Variants in FGGY observed in about 807,000 individuals in gnomAD.
FGGY encodes the protein FGGY carbohydrate kinase domain-containing protein.
Under a neutral mutation model 71.3 loss-of-function variants are expected in FGGY, and 72 were observed. The ratio of observed to expected loss-of-function variants is 1.01; its 90% CI spans 0.84 to 1.23. The LOEUF (loss-of-function observed/expected upper bound fraction) is 1.23. FGGY is among the 50% of genes most tolerant of loss of function. FGGY has a pLI of 0.00. For missense variants in FGGY, 668 were observed against 682.3 expected, an observed-to-expected ratio of 0.98 and a Z score of 0.23; for synonymous variants, 251 against 250.3, an observed-to-expected ratio of 1.00 and a Z score of -0.02.
At chr1:59,461,696 C>T (rs2092232055) in intron 6 of FGGY, among the ~76,000 whole-genome samples, 1 of 152,060 alleles carries the variant, frequency 6.6e-6, no homozygotes, top group Admixed American at 6.6e-5. Flanking sequence ...AAAGGAAAGC[C>T]CATCAGACTC....
chr1:59,320,162 A>G (rs1202296989), intron 1 of FGGY, among the ~76,000 whole-genome samples: 2 of 152,336 alleles, frequency 1.3e-5, no homozygotes, highest in Middle Eastern at 3.4e-3. Flanking sequence ...TCACCTGCTC[A>G]TGAGCCACAG....
intron 12 of FGGY, among the ~76,000 whole-genome samples, chr1:59,664,961 G>A (rs908327660): frequency 1.3e-5 from 2 of 152,096 alleles, no homozygotes; most frequent in South Asian, 2.1e-4. Flanking sequence ...TGGCAATTGA[G>A]TTATAGAAAG....
chr1:59,592,855 T>C (rs1052165570), intron 8 of FGGY, among the ~76,000 whole-genome samples: 8 of 151,908 alleles, frequency 5.3e-5, no homozygotes, highest in Non-Finnish European at 1.2e-4. Flanking sequence ...TTAATGGGTG[T>C]AGCACACCAG....
intron 6 of FGGY, among the ~76,000 whole-genome samples, chr1:59,503,120 C>G (rs2094279685): frequency 6.6e-6 from 1 of 152,124 alleles, no homozygotes; most frequent in South Asian, 2.1e-4. Flanking sequence ...TGACTTTGAA[C>G]AAATTATGTA....
At chr1:59,325,365 G>A (rs835372) in intron 2 of FGGY, among the ~76,000 whole-genome samples, 6,284 of 66,738 alleles carry the variant, frequency 0.094, 268 homozygotes, top group African/African-American at 0.23. Flanking sequence ...TCCAACAACA[G>A]CAACAACAAC....
At chr1:59,610,105 G>A (rs1488633024) in intron 9 of FGGY, among the ~76,000 whole-genome samples, 1 of 152,202 alleles carries the variant, frequency 6.6e-6, no homozygotes, top group Non-Finnish European at 1.5e-5. Flanking sequence ...CGGGATACAA[G>A]TGCAGAACCT....
intron 5 of FGGY, among the ~76,000 whole-genome samples, chr1:59,449,429 A>C (rs983571268): frequency 1.3e-5 from 2 of 151,984 alleles, no homozygotes; most frequent in Non-Finnish European, 2.9e-5. Context: ...TTACAGGCGC[A>C]CACCACCACG....
chr1:59,659,865 A>G (rs1382475545), intron 11 of FGGY, among the ~76,000 whole-genome samples: 1 of 152,246 alleles, frequency 6.6e-6, no homozygotes, highest in African/African-American at 2.4e-5. Context: ...TGCCACTGTT[A>G]GTGTTGATTT....
At chr1:59,588,018 C>G (rs1001242839) in intron 8 of FGGY, among the ~76,000 whole-genome samples, 2 of 152,066 alleles carry the variant, frequency 1.3e-5, no homozygotes, top group African/African-American at 4.8e-5. Flanking sequence ...GAAATTCAAA[C>G]CAAAGGCAAA....
At chr1:59,685,217 A>G (rs1331086798) in intron 14 of FGGY, among the ~76,000 whole-genome samples, 1 of 151,938 alleles carries the variant, frequency 6.6e-6, no homozygotes, top group Non-Finnish European at 1.5e-5. Flanking sequence ...CTCTCTCACT[A>G]CTGAGGAAGA....
At chr1:59,634,517 G>A (rs1449231545) in intron 10 of FGGY, among the ~76,000 whole-genome samples, 2 of 152,186 alleles carry the variant, frequency 1.3e-5, no homozygotes, top group Non-Finnish European at 2.9e-5. Flanking sequence ...GTTATACCAT[G>A]TATTCTGATT....
At chr1:59,428,235 TACTC>T (rs996277729) in intron 5 of FGGY, among the ~76,000 whole-genome samples, 3 of 152,194 alleles carry the variant, frequency 2.0e-5, no homozygotes, top group Non-Finnish European at 4.4e-5. Context: ...GTGAGGAACA[TACTC>T]ACAACCAGAC....
chr1:59,334,090 CCT>C (rs1452748324), intron 2 of FGGY, among the ~76,000 whole-genome samples: 2 of 152,114 alleles, frequency 1.3e-5, no homozygotes, highest in African/African-American at 4.8e-5. Context: ...AGTTCCTTAA[CCT>C]CTCTGTGCCT....
intron 14 of FGGY, among the ~76,000 whole-genome samples, chr1:59,701,442 A>G (rs1371461115): frequency 6.6e-6 from 1 of 152,138 alleles, no homozygotes; most frequent in Non-Finnish European, 1.5e-5. Context: ...TTATCAGTAA[A>G]TGCTTCTTGA....
At chr1:59,375,744 T>C (rs1049321319) in intron 4 of FGGY, among the ~76,000 whole-genome samples, 6 of 152,200 alleles carry the variant, frequency 3.9e-5, no homozygotes, top group Non-Finnish European at 7.4e-5. Context: ...CCAGTGTCTC[T>C]TTTTGGCAAA....
At chr1:59,444,457 T>G (rs188100736) in intron 5 of FGGY, among the ~76,000 whole-genome samples, 3 of 152,082 alleles carry the variant, frequency 2.0e-5, no homozygotes, top group Admixed American at 6.5e-5. Flanking sequence ...TAATACATTA[T>G]TGTTAACTGT....
chr1:59,627,985 G>A (rs760060472), intron 10 of FGGY, among the ~76,000 whole-genome samples: 4 of 152,080 alleles, frequency 2.6e-5, no homozygotes, highest in Non-Finnish European at 5.9e-5. Flanking sequence ...AAGAAATAAT[G>A]GAAATAGATA....
intron 5 of FGGY, among the ~76,000 whole-genome samples, chr1:59,380,927 C>A (rs1428459389): frequency 6.7e-6 from 1 of 148,390 alleles, no homozygotes; most frequent in East Asian, 1.9e-4. Flanking sequence ...GGTTTTAGTT[C>A]TAACATGTAA....
In FGGY at chr1:59,595,277, T is replaced by C. The variant is rs114349559; in HGVS notation, c.904-12526T>C. Among the ~76,000 whole-genome samples, 452 of 151,810 alleles carry C rather than the reference T, an allele frequency of 3.0e-3. 2 individuals are homozygous for C. Among genetic ancestry groups the C allele is most frequent in the African/African-American group, 0.011 (436 of 41,240 alleles). ...GCTGCTTGGCAAATGTTAGTTGCCTTCCCTCCCTTTTCCCCCACTGCATTC... is the reference window on the plus strand; with the variant it reads ...GCTGCTTGGCAAATGTTAGTTGCCTCCCCTCCCTTTTCCCCCACTGCATTC... On this transcript the variant is annotated intron_variant, in intron 8 of 15. Coordinates refer to ENST00000303721, the MANE Select transcript of FGGY (RefSeq NM_018291.5).
Sources: gnomAD v4.1 joint callset for allele counts (sites outside exome capture counted in the v4.1 genomes callset) on GRCh38, gnomAD v4.1.1 for gene constraint, MANE v1.5 for transcripts, NCBI Gene and HGNC (gene_info 2026-07-23, HGNC 2026-07-21) for gene names.